Variants in SCARB1 observed in about 807,000 individuals in gnomAD.
The protein encoded by SCARB1 is scavenger receptor class B member 1.
A neutral mutation model predicts 57.2 loss-of-function variants in SCARB1; 30 were observed. The ratio of observed to expected loss-of-function variants is 0.52; its 90% CI spans 0.39 to 0.71. The LOEUF (loss-of-function observed/expected upper bound fraction) is 0.71. Among genes scored for constraint, SCARB1 ranks in the 30% least tolerant of loss-of-function variants. The pLI is 0.00. For synonymous variants in SCARB1, 249 were observed against 268.3 expected (o/e 0.93, Z 0.70); for missense variants, 543 against 671.2 (o/e 0.81, Z 2.11).
chr12:124,835,197 G>A (rs1365119294), intron 1 of SCARB1, among the ~76,000 whole-genome samples: 7 of 152,102 alleles, frequency 4.6e-5, no homozygotes, highest in African/African-American at 1.7e-4. Context: ...GGCAAGACTT[G>A]GTATCTCCTC....
intron 1 of SCARB1, among the ~76,000 whole-genome samples, chr12:124,818,363 C>T (rs1950820929): frequency 6.6e-6 from 1 of 152,214 alleles, no homozygotes; most frequent in Non-Finnish European, 1.5e-5. Context: ...TGCCTGTAAT[C>T]CCAGAACTTT....
intron 1 of SCARB1, among the ~76,000 whole-genome samples, chr12:124,829,603 A>C (rs1047685570): frequency 6.6e-6 from 1 of 152,168 alleles, no homozygotes; most frequent in Non-Finnish European, 1.5e-5. Context: ...GCCACCAGGC[A>C]AGTTTCTGCC....
Position 124,853,834 on chromosome 12 carries a change from G to A in SCARB1, c.126+9761C>T, listed in dbSNP as rs533287973. Among the ~76,000 whole-genome samples, 79 of 152,334 alleles carry A rather than the reference G, an allele frequency of 5.2e-4. No homozygotes were observed. The South Asian group carries it at 0.013, about 26-fold the overall frequency. ...CAACGGTGGCAGCTCGGTCTGGGGC[G>A]ACGGCCACGGCAGGTGGAGGAGTAG... On this transcript the variant is annotated intron_variant, in intron 1 of 12. Coordinates refer to ENST00000261693, the MANE Select transcript of SCARB1 (RefSeq NM_005505.5).
chr12:124,814,305 A>C lies in SCARB1; in HGVS notation c.527T>G (p.Val176Gly). The change falls in exon 4 of 13, where the codon GTG becomes GGG. Residue 176 changes from valine to glycine, a missense_variant. Transcript: ENST00000261693. The surrounding 1 kb of genome is among the most constrained non-coding windows in gnomAD (Gnocchi z 4.7). ...CTTGTAGCCCCACATGATCTCACCC[A>C]CAGTGCGGTTCATGAAGGCACGTTC... The part of the protein sequence containing the change: ...LGERAFMNRT[V>G]GEIMWGYKDP... 6.2e-7 allele frequency: 1 copy of C among 1,614,218 alleles called. No homozygotes were observed. Among genetic ancestry groups the C allele is most frequent in the Non-Finnish European group, 8.5e-7 (1 of 1,180,026 alleles).
chr12:124,805,145 G>A lies in SCARB1; in HGVS notation c.1009+2616C>T, dbSNP rs546019792. On this transcript the variant is annotated intron_variant, in intron 7 of 12. Transcript: ENST00000261693. ...GAGGAAGACAAGAAGACCAAGACAA[G>A]AAGACAAGAAGAGGAAGCCATAGGG... Among the ~76,000 whole-genome samples the A allele has an allele frequency of 9.9e-4, 143 of 144,710 alleles. 2 individuals carry two copies. The highest frequency in any genetic ancestry group is 3.8e-3 in the African/African-American group (139 of 36,642). 94.9% of individuals were successfully genotyped at this position (144,710 alleles called of 152,430 possible).
Position 124,837,516 on chromosome 12 carries a change from A to AGGGAG in SCARB1, c.127-19810_127-19809insCTCCC, listed in dbSNP as rs1566231509. Among the ~76,000 whole-genome samples, 55 of 102,722 alleles carry AGGGAG rather than the reference A, an allele frequency of 5.4e-4. 2 individuals are homozygous for AGGGAG. The East Asian group carries it at 0.012, about 23-fold the overall frequency. 67.4% of individuals were successfully genotyped at this position (102,722 alleles called of 152,430 possible). A position where few individuals can be genotyped will look rare whatever the true frequency, so the allele number is the denominator to read the frequency against. The stretch of plus-strand genomic sequence containing the variant: ...GGAAGGAAGGAAGGGAGAAAAAAGA[A>AGGGAG]AAGAAAGGAAAGAAAAAGAAAGAAA... On this transcript the variant is annotated intron_variant, in intron 1 of 12. Coordinates refer to ENST00000261693, the MANE Select transcript of SCARB1 (RefSeq NM_005505.5).
At chr12:124,856,072 G>A (rs1032557607) in intron 1 of SCARB1, among the ~76,000 whole-genome samples, 4 of 152,256 alleles carry the variant, frequency 2.6e-5, no homozygotes, top group African/African-American at 9.6e-5. Context: ...AGCAAGTACC[G>A]GCCATTCCGG....
chr12:124,808,481 G>A (rs555946801), intron 6 of SCARB1, among the ~76,000 whole-genome samples: 1 of 152,190 alleles, frequency 6.6e-6, no homozygotes, highest in Admixed American at 6.5e-5. Context: ...CAGTTCCTAA[G>A]CACACTCACT....
In SCARB1 at chr12:124,789,400, C is replaced by T. The variant is rs1420628401; in HGVS notation, c.1203-1943G>A. Among the ~76,000 whole-genome samples, 2 of 152,060 alleles carry T rather than the reference C, an allele frequency of 1.3e-5. No individual in the cohort carries two copies. Among genetic ancestry groups the T allele is most frequent in the Admixed American group, 6.5e-5 (1 of 15,282 alleles). ...GAGAGACTGTCACAGCCAAAAGGTG[C>T]CTAAGGAGACCGGAAGACCAATGCG... On this transcript the variant is annotated intron_variant, in intron 9 of 12. Coordinates refer to ENST00000261693, the MANE Select transcript of SCARB1 (RefSeq NM_005505.5). The surrounding 1 kb of genome is among the most constrained non-coding windows in gnomAD (Gnocchi z 4.4).
intron 1 of SCARB1, among the ~76,000 whole-genome samples, chr12:124,831,068 C>T (rs1367889381): frequency 3.3e-5 from 5 of 151,968 alleles, no homozygotes; most frequent in African/African-American, 9.7e-5. Flanking sequence ...CTCTGCCTCC[C>T]GGGTTCAAGC....
rs368185432 is a variant in SCARB1, at chr12:124,800,901, C to T, written c.1010-659G>A. The stretch of plus-strand genomic sequence containing the variant: ...GGACAAGTTAACAAGGAACAGCGAG[C>T]GGGCCTCTCTCAAAAGCTCACGAGG... On this transcript the variant is annotated intron_variant, in intron 7 of 12. Transcript: ENST00000261693. This position sits in a 1 kb window ranked among gnomAD's most constrained non-coding sequence, Gnocchi z 4.8. 4.9e-4 allele frequency among the ~76,000 whole-genome samples: 74 copies of T among 152,294 alleles called. 1 individual carries two copies. The East Asian group carries it at 0.013, about 27-fold the overall frequency.
intron 1 of SCARB1, among the ~76,000 whole-genome samples, chr12:124,828,876 T>C (rs369946796): frequency 6.6e-6 from 1 of 152,296 alleles, no homozygotes; most frequent in South Asian, 2.1e-4. Flanking sequence ...AGAAGCCAAT[T>C]TGCCCAGACG....
rs140356670 is a variant in SCARB1 at position 124,858,554 on chromosome 12, T to C, written c.126+5041A>G. On this transcript the variant is annotated intron_variant, in intron 1 of 12. Coordinates refer to ENST00000261693, the MANE Select transcript of SCARB1 (RefSeq NM_005505.5). ...TCTGGCCAGTCTTTGAGGAAAACTA[T>C]GTATCTGTTCATTCGTAATTTTTTT... Among the ~76,000 whole-genome samples the C allele has an allele frequency of 1.5e-4, 23 of 152,192 alleles. No homozygotes were observed. In the East Asian group the frequency reaches 3.3e-3, roughly 22 times the overall value.
Position 124,782,790 on chromosome 12 carries a change from T to A in SCARB1, c.1423A>T (p.Ser475Cys). ...TCCTTTGAGCCCTTTTTACTACTAC[T>A]CCAAAATAAATAGCATTTCTCCTAG... is the stretch of plus-strand genomic sequence containing the variant. ...RSQEKCYLFW[S>C]SSKKGSKDKE... Residue 475 changes from serine to cysteine, a missense_variant, in exon 12 of 13, where the codon AGT (serine) becomes TGT (cysteine). Physicochemically the swap from Ser to Cys is moderately radical, Grantham distance 112 (BLOSUM62 -1). Transcript: ENST00000261693. The A allele has an allele frequency of 1.2e-6, 2 of 1,613,790 alleles. No homozygotes were observed. Among genetic ancestry groups the A allele is most frequent in the Non-Finnish European group, 1.7e-6 (2 of 1,179,710 alleles).
At chr12:124,850,298 G>C (rs891130582) in intron 1 of SCARB1, among the ~76,000 whole-genome samples, 45 of 152,180 alleles carry the variant, frequency 3.0e-4, no homozygotes, top group Admixed American at 2.4e-3. Context: ...ACTTGAACCC[G>C]GGAGGCGGAG....
chr12:124,829,524 G>T (rs1250204181), intron 1 of SCARB1, among the ~76,000 whole-genome samples: 1 of 150,492 alleles, frequency 6.6e-6, no homozygotes, highest in Non-Finnish European at 1.5e-5. Flanking sequence ...AGTCACTCCA[G>T]TCTCCTCCCC....
In SCARB1 at chr12:124,782,675, G is replaced by C; in HGVS notation, c.*8C>G. 6.2e-7 allele frequency: 1 copy of C among 1,613,786 alleles called. No individual in the cohort carries two copies. Among genetic ancestry groups the C allele is most frequent in the South Asian group, 1.1e-5 (1 of 91,052 alleles). ...GCGGGGAGGCGCACGGCATTACCTG[G>C]TACCCACCTACAGTTTTGCTTCCTG... is the stretch of plus-strand genomic sequence containing the variant. On this transcript the variant is annotated splice_region_variant and intron_variant, in intron 12 of 12. Transcript: ENST00000261693.
chr12:124,835,055 C>T (rs1405280492), intron 1 of SCARB1, among the ~76,000 whole-genome samples: 1 of 152,186 alleles, frequency 6.6e-6, no homozygotes, highest in Non-Finnish European at 1.5e-5. Context: ...TTAGTGAGCC[C>T]TCCAGCGTCC....
chr12:124,815,592 G>GTC (rs999088081), intron 2 of SCARB1, among the ~76,000 whole-genome samples: 1 of 152,234 alleles, frequency 6.6e-6, no homozygotes, highest in Non-Finnish European at 1.5e-5. Flanking sequence ...CAGGTCGGGA[G>GTC]CAGTGGCTCA....
Sources: allele counts gnomAD v4.1 joint callset (sites outside exome capture counted in the v4.1 genomes callset), GRCh38; gene constraint gnomAD v4.1.1; non-coding constraint Gnocchi (gnomAD v3.1); transcripts MANE v1.5; gene names NCBI Gene and HGNC (gene_info 2026-07-23, HGNC 2026-07-21).